Variants in IL10RB observed in about 807,000 individuals in gnomAD.
IL10RB encodes the protein interleukin-10 receptor subunit beta.
A neutral mutation model predicts 38.7 loss-of-function variants in IL10RB; 30 were observed. The observed-to-expected ratio is 0.78, with a 90% confidence interval of 0.58 to 1.05. The LOEUF (loss-of-function observed/expected upper bound fraction) is 1.05. Ranked by LOEUF, IL10RB falls within the 50% of genes least tolerant of loss-of-function variation. The pLI, the probability that IL10RB is intolerant of heterozygous loss-of-function variation, is 0.00. For synonymous variants in IL10RB, 142 were observed against 145.9 expected, an observed-to-expected ratio of 0.97 and a Z score of 0.19; for missense variants, 328 against 397.1, an observed-to-expected ratio of 0.83 and a Z score of 1.48.
rs1989012965 is a variant in IL10RB, at chr21:33,268,392, A to T, written c.50-2A>T. The stretch of plus-strand genomic sequence containing the variant: ...GTAAATGTTTTTGTCTTATTTTCAT[A>T]GCATTGGGAATGGTACCACCTCCCG... On this transcript the variant is annotated splice_acceptor_variant, in intron 1 of 6. Coordinates refer to ENST00000290200, the MANE Select transcript of IL10RB (RefSeq NM_000628.5). LOFTEE classifies it high-confidence loss of function. 2 of 1,614,024 alleles carry T rather than the reference A, an allele frequency of 1.2e-6. 1 individual carries two copies. Among genetic ancestry groups the T allele is most frequent in the African/African-American group, 2.7e-5 (2 of 74,948 alleles).
intron 6 of IL10RB, among the ~76,000 whole-genome samples, chr21:33,290,162 A>T (rs1297630520): frequency 6.6e-6 from 1 of 150,972 alleles, no homozygotes; most frequent in Non-Finnish European, 1.5e-5. Flanking sequence ...ATGCTGGCGC[A>T]TGCCTGTAAT....
At chr21:33,307,750 T>C (rs1259348453) in intron 1 of IL10RB, among the ~76,000 whole-genome samples, 3 of 152,232 alleles carry the variant, frequency 2.0e-5, no homozygotes, top group African/African-American at 7.2e-5. Context: ...TCTCCCTTGC[T>C]GTCTCTTGTC....
chr21:33,268,128 C>A, intron 1 of IL10RB: 1 of 956,612 alleles, frequency 1.0e-6, no homozygotes, highest in Non-Finnish European at 1.5e-6. Context: ...GCCCACCCTA[C>A]CCCCTCATAG....
At chr21:33,309,785 T>C (rs563569092) in exon 2 of IL10RB, 4 of 152,364 alleles carry the variant, frequency 2.6e-5, no homozygotes, top group African/African-American at 9.6e-5. Flanking sequence ...CTCTACTACA[T>C]GTTTCATTCT....
intron 1 of IL10RB, among the ~76,000 whole-genome samples, chr21:33,307,441 T>C (rs1353366716): frequency 1.3e-5 from 2 of 152,180 alleles, no homozygotes; most frequent in Non-Finnish European, 2.9e-5. Context: ...AGGGTAACCA[T>C]GAGAAATCCC....
intron 2 of IL10RB, among the ~76,000 whole-genome samples, chr21:33,274,047 A>G (rs916126691): frequency 3.0e-4 from 46 of 152,120 alleles, no homozygotes; most frequent in African/African-American, 1.1e-3. Flanking sequence ...CCTATGAATC[A>G]CCAGTGTTCT....
chr21:33,276,406 A>G (rs535973793), intron 2 of IL10RB, among the ~76,000 whole-genome samples, 190 bp from the exon 3 acceptor site: 2 of 152,258 alleles, frequency 1.3e-5, no homozygotes, highest in South Asian at 2.1e-4. Flanking sequence ...TGAATACTCA[A>G]CCCCTTGGAG....
At chr21:33,298,279 G>C (rs2082975753), downstream of IL10RB, among the ~76,000 whole-genome samples, 1 of 151,810 alleles carries the variant, frequency 6.6e-6, no homozygotes, top group African/African-American at 2.4e-5. Flanking sequence ...ATCTGTGATT[G>C]CTTTTTTGAA....
intron 1 of IL10RB, among the ~76,000 whole-genome samples, chr21:33,302,981 C>T (rs1410413880): frequency 1.3e-5 from 2 of 152,200 alleles, no homozygotes; most frequent in Admixed American, 6.5e-5. Flanking sequence ...GAGGGAGCTG[C>T]GGTCAAGGTC....
intron 2 of IL10RB, 75 bp from the exon 3 acceptor site, chr21:33,276,521 A>C: frequency 7.3e-5 from 86 of 1,179,282 alleles, no homozygotes; most frequent in East Asian, 1.3e-4. Flanking sequence ...CCCCCCCTCC[A>C]AATTAAGTAC....
intron 2 of IL10RB, among the ~76,000 whole-genome samples, chr21:33,275,952 A>C (rs1334095688): frequency 6.6e-6 from 1 of 152,184 alleles, no homozygotes; most frequent in Non-Finnish European, 1.5e-5. Context: ...TCACCATAAC[A>C]CATATAATCA....
chr21:33,306,051 C>T (rs1279678739), intron 1 of IL10RB, among the ~76,000 whole-genome samples: 5 of 151,990 alleles, frequency 3.3e-5, no homozygotes, highest in Non-Finnish European at 7.4e-5. Flanking sequence ...AGGCTGGTCT[C>T]GGACCTCTGA....
At chr21:33,281,308 G>T (rs1989275431) in intron 4 of IL10RB, among the ~76,000 whole-genome samples, 1 of 152,224 alleles carries the variant, frequency 6.6e-6, no homozygotes, top group African/African-American at 2.4e-5. Flanking sequence ...AGAGCAGATT[G>T]CTCCCCTCCG....
intron 2 of IL10RB, among the ~76,000 whole-genome samples, chr21:33,273,129 C>G (rs8178462): frequency 0.014 from 2,076 of 152,248 alleles, 21 homozygotes; most frequent in Middle Eastern, 0.027. Context: ...GGTGTAGCCT[C>G]GTATACACCT....
At chr21:33,276,173 A>G (rs1989166416) in intron 2 of IL10RB, among the ~76,000 whole-genome samples, 1 of 152,260 alleles carries the variant, frequency 6.6e-6, no homozygotes, top group Admixed American at 6.5e-5. Context: ...ATTTAAACAT[A>G]GAAAAGGTAC....
intron 1 of IL10RB, among the ~76,000 whole-genome samples, chr21:33,307,363 C>T (rs1172088404): frequency 1.3e-5 from 2 of 152,176 alleles, no homozygotes; most frequent in East Asian, 3.9e-4. Flanking sequence ...CTGTTCTGGA[C>T]AGTGGTCTTT....
At position 33,276,760 on chromosome 21, in the gene IL10RB, C is replaced by T; in HGVS notation, c.331+7C>T. ...TTCTGTCCTGTGGATGACAGTAAGC[C>T]ATTTTGTTTTCCCTTTTTTTGTAAT... On this transcript the variant is annotated splice_region_variant and intron_variant, in intron 3 of 6. Coordinates refer to ENST00000290200, the MANE Select transcript of IL10RB (RefSeq NM_000628.5). 6.2e-7 allele frequency: 1 copy of T among 1,612,884 alleles called. No homozygotes were observed. Among genetic ancestry groups the T allele is most frequent in the Non-Finnish European group, 8.5e-7 (1 of 1,178,960 alleles).
At chr21:33,268,259 G>T (rs1601826364) in intron 1 of IL10RB, 135 bp from the exon 2 acceptor site, 1 of 1,553,548 alleles carries the variant, frequency 6.4e-7, no homozygotes, top group East Asian at 2.4e-5. Context: ...CAGCCAACCT[G>T]TCTCTCCCTC....
downstream of IL10RB, chr21:33,297,349 G>GGTACTAAGTACTTA (rs2082971942): frequency 1.3e-5 from 2 of 151,826 alleles, no homozygotes; most frequent in African/African-American, 2.4e-5. Context: ...CACTGTGTTA[G>GGTACTAAGTACTTA]GTACTAGGTC....
Sources: gnomAD v4.1 joint callset for allele counts (sites outside exome capture counted in the v4.1 genomes callset) on GRCh38, gnomAD v4.1.1 for gene constraint, MANE v1.5 for transcripts, NCBI Gene and HGNC (gene_info 2026-07-23, HGNC 2026-07-21) for gene names.